FHL1: variants seen among roughly 807,000 people sequenced by gnomAD.
The protein encoded by FHL1 is four and a half LIM domains 1, also known as four and a half LIM domains protein 1.
FHL1 carries 1 observed loss-of-function variant against 20.3 expected under a neutral mutation model. The observed-to-expected ratio is 0.05, with a 90% CI of 0.02 to 0.23. The LOEUF (loss-of-function observed/expected upper bound fraction) is 0.23. Among genes scored for constraint, FHL1 ranks in the 10% least tolerant of loss-of-function variants. The pLI, the probability that FHL1 is intolerant of heterozygous loss-of-function variation, is 1.00. For synonymous variants in FHL1, 82 were observed against 88.9 expected (o/e 0.92, Z 0.44); for missense variants, 177 against 234.0 (o/e 0.76, Z 1.59).
chrX:136,174,340 C>T (rs1181374534), intron 2 of FHL1, among the ~76,000 whole-genome samples: 2 of 111,478 alleles, frequency 1.8e-5, no homozygotes, highest in Non-Finnish European at 3.8e-5. Context: ...TCGACAGGTA[C>T]GGGTGATTTA....
At position 136,206,562 on chromosome X, in the gene FHL1, C is replaced by T. The variant is rs1385440296; in HGVS notation, c.178C>T (p.Arg60Cys). ...KFCANTCVEC[R>C]KPIGADSKEV... ...CTGTGCCAACACCTGTGTGGAATGCCGCAAGCCCATCGGTGCGGACTCCAA... is the reference window on the plus strand; with the variant it reads ...CTGTGCCAACACCTGTGTGGAATGCTGCAAGCCCATCGGTGCGGACTCCAA... The change falls in exon 2 of 6, where the codon CGC becomes TGC. Residue 60 changes from arginine (R) to cysteine (C), a missense_variant. By Grantham distance (180) the Arg-to-Cys change is radical (BLOSUM62 -3). Transcript: ENST00000370683. 1.2e-5 allele frequency: 15 copies of T among 1,212,438 alleles called. No individual in the cohort carries two copies. The highest frequency in any genetic ancestry group is 2.2e-5 in the Admixed American group (1 of 46,161).
intron 1 of FHL1, among the ~76,000 whole-genome samples, chrX:136,200,058 AG>A (rs2073668583): frequency 8.9e-6 from 1 of 112,649 alleles, no homozygotes; most frequent in Middle Eastern, 4.6e-3. Flanking sequence ...AGGTTTATTT[AG>A]GCACCTCTCA....
At chrX:136,168,499 T>A (rs2072773704), upstream of FHL1, among the ~76,000 whole-genome samples, 1 of 112,009 alleles carries the variant, frequency 8.9e-6, no homozygotes, top group African/African-American at 3.2e-5. Flanking sequence ...CTGTCTCTAC[T>A]TAAGTACAGG....
chrX:136,205,661 T>C (rs1212658177), intron 1 of FHL1, among the ~76,000 whole-genome samples: 1 of 112,429 alleles, frequency 8.9e-6, no homozygotes, highest in Non-Finnish European at 1.9e-5. Context: ...TTCTGCTAAA[T>C]TGCAAGTAAA....
rs1603272223 is a variant in FHL1 at position 136,208,545 on chromosome X, C to T, written c.640C>T (p.Gln214Ter). The change falls in exon 5 of 6, where the codon CAG becomes TAG. Residue 214 changes from glutamine to a stop codon, truncating the protein, a stop_gained. Coordinates refer to ENST00000370683, the MANE Select transcript of FHL1 (RefSeq NM_001159699.2). LOFTEE classifies it high-confidence loss of function. ...TACCTGCTCTAAGAAGCTGGCTGGGCAGCGTTTCACCGCTGTGGAGGACCA... is the reference window on the plus strand; with the variant it reads ...TACCTGCTCTAAGAAGCTGGCTGGGTAGCGTTTCACCGCTGTGGAGGACCA... ...CVTCSKKLAG[Q>*]RFTAVEDQYY... 1.7e-6 allele frequency: 2 copies of T among 1,211,347 alleles called. No individual in the cohort carries two copies. The highest frequency in any genetic ancestry group is 2.2e-6 in the Non-Finnish European group (2 of 895,184).
chrX:136,157,553 A>T (rs2072454804), intron 1 of FHL1, among the ~76,000 whole-genome samples: 1 of 111,215 alleles, frequency 9.0e-6, no homozygotes, highest in Non-Finnish European at 1.9e-5. Flanking sequence ...CCATGAAACC[A>T]CTGCCCCAAT....
At chrX:136,155,294 A>C (rs1189956190) in intron 1 of FHL1, among the ~76,000 whole-genome samples, 2 of 111,786 alleles carry the variant, frequency 1.8e-5, no homozygotes, top group Non-Finnish European at 3.8e-5. Context: ...GCTGTTTTTC[A>C]GCTTAGGCCG....
chrX:136,192,756 C>G (rs1193452526), upstream of FHL1, among the ~76,000 whole-genome samples: 4 of 111,774 alleles, frequency 3.6e-5, no homozygotes, highest in Admixed American at 3.8e-4. Flanking sequence ...TGAATTGTGA[C>G]ATTTAAGCAG....
At position 136,210,668 on chromosome X, in the gene FHL1, T is replaced by TC. The variant is rs1207983168; in HGVS notation, c.*645dup. 2.6e-6 allele frequency: 1 copy of TC among 388,688 alleles called. No individual in the cohort carries two copies. Among genetic ancestry groups the TC allele is most frequent in the Non-Finnish European group, 4.8e-6 (1 of 206,875 alleles). 32.0% of individuals were successfully genotyped at this position (388,688 alleles called of 1,213,427 possible). A position where few individuals can be genotyped will look rare whatever the true frequency, so the allele number is the denominator to read the frequency against. On this transcript the variant is annotated 3_prime_UTR_variant, in exon 6 of 6. Coordinates refer to ENST00000370683, the MANE Select transcript of FHL1 (RefSeq NM_001159699.2). ...CCCGTGTGGCATGTTTTCTGAGCGT[T>TC]CCTACTTTAAAGCATGGAACATGCA...
At chrX:136,184,780 G>A (rs938721794) in intron 2 of FHL1, among the ~76,000 whole-genome samples, 1 of 111,676 alleles carries the variant, frequency 9.0e-6, no homozygotes, top group Non-Finnish European at 1.9e-5. Flanking sequence ...TACAAAGCCT[G>A]ATTTATATAT....
intron 1 of FHL1, among the ~76,000 whole-genome samples, chrX:136,161,563 A>G (rs932620650): frequency 3.6e-5 from 4 of 111,361 alleles, no homozygotes; most frequent in African/African-American, 1.3e-4. Flanking sequence ...AATTTTCCTT[A>G]TGTGTTCATG....
At chrX:136,178,050 G>A (rs745885948) in intron 2 of FHL1, among the ~76,000 whole-genome samples, 2 of 111,971 alleles carry the variant, frequency 1.8e-5, no homozygotes, top group Non-Finnish European at 3.8e-5. Flanking sequence ...GATCAGTACA[G>A]TAAGCATAGC....
chrX:136,158,917 C>T (rs900169636), intron 1 of FHL1, among the ~76,000 whole-genome samples: 4 of 111,258 alleles, frequency 3.6e-5, no homozygotes, highest in Admixed American at 1.9e-4. Flanking sequence ...ACCCATTCAA[C>T]ATTTGTCAAA....
chrX:136,175,574 G>A (rs2148310211), intron 2 of FHL1, among the ~76,000 whole-genome samples: 1 of 112,430 alleles, frequency 8.9e-6, no homozygotes, highest in Admixed American at 9.4e-5. Context: ...AATGTCTAAT[G>A]TGAAAAAAAT....
intron 2 of FHL1, among the ~76,000 whole-genome samples, chrX:136,182,458 T>A (rs2073179430): frequency 8.9e-6 from 1 of 112,447 alleles, no homozygotes. Flanking sequence ...GGTATGGAGA[T>A]GAAAGGTTCT....
chrX:136,198,796 C>G (rs1049941412), intron 1 of FHL1, among the ~76,000 whole-genome samples: 3 of 111,730 alleles, frequency 2.7e-5, no homozygotes, highest in African/African-American at 9.8e-5. Context: ...AGCCTTTGGC[C>G]TTTCAAGTCG....
Position 136,210,917 on chromosome X carries a change from TC to T in FHL1, c.*894del, listed in dbSNP as rs1159262933. 5.2e-6 allele frequency: 2 copies of T among 384,216 alleles called. No homozygotes were observed. The highest frequency in any genetic ancestry group is 5.1e-5 in the South Asian group (2 of 38,909). The allele number at this position is 384,216 out of a possible 1,213,427, so 31.7% of individuals were successfully genotyped here. ...GATGTTCCTGCAGTGCTGAAATTCA[TC>T]CTACGGAAGTAACCGCAAAACTCTA... is the stretch of plus-strand genomic sequence containing the variant. On this transcript the variant is annotated 3_prime_UTR_variant, in exon 6 of 6. Coordinates refer to ENST00000370683, the MANE Select transcript of FHL1 (RefSeq NM_001159699.2).
chrX:136,179,056 C>T lies in FHL1; in HGVS notation c.-27+9076C>T, dbSNP rs188661082. On this transcript the variant is annotated intron_variant, in intron 2 of 6. Coordinates refer to the FHL1 transcript ENST00000394153. ...ACAAGCATGAGCCACTGTGCCCAGC[C>T]GATAGGACCATTTCTGTACACATTC... Among the ~76,000 whole-genome samples the T allele has an allele frequency of 6.9e-4, 77 of 111,933 alleles. No individual in the cohort carries two copies. In the Middle Eastern group the frequency reaches 0.014, roughly 20 times the overall value.
chrX:136,170,244 C>T (rs2072825694), intron 2 of FHL1, among the ~76,000 whole-genome samples: 2 of 111,994 alleles, frequency 1.8e-5, no homozygotes, highest in Admixed American at 1.9e-4. Context: ...TGAATGTCTG[C>T]TTTAAAGTAA....
Sources: gnomAD v4.1 joint callset for allele counts (sites outside exome capture counted in the v4.1 genomes callset) on GRCh38, gnomAD v4.1.1 for gene constraint, MANE v1.5 for transcripts, NCBI Gene and HGNC (gene_info 2026-07-23, HGNC 2026-07-21) for gene names.